Variants in VRK2 observed in about 807,000 individuals in gnomAD.
VRK2 encodes the protein VRK serine/threonine kinase 2.
A neutral mutation model predicts 57.6 loss-of-function variants in VRK2; 60 were observed. The observed-to-expected ratio is 1.04, with a 90% confidence interval of 0.85 to 1.29. The LOEUF is 1.29. Among genes scored for constraint, VRK2 ranks in the 50% most tolerant of loss-of-function variants. The pLI is 0.00. For missense variants in VRK2, 705 were observed against 588.1 expected (o/e 1.20, Z -2.06); for synonymous variants, 231 against 199.2 (o/e 1.16, Z -1.35).
intron 2 of VRK2, among the ~76,000 whole-genome samples, chr2:58,057,315 G>C (rs1220565527): frequency 1.3e-5 from 2 of 152,094 alleles, no homozygotes; most frequent in Non-Finnish European, 2.9e-5. Context: ...AAATTCTTTT[G>C]TATCTTTTGG....
At chr2:58,094,047 A>G (rs1261613872) in intron 7 of VRK2, among the ~76,000 whole-genome samples, 1 of 152,192 alleles carries the variant, frequency 6.6e-6, no homozygotes, top group Non-Finnish European at 1.5e-5. Flanking sequence ...TACCAGTACC[A>G]TGCTGTTTTG....
At chr2:58,155,830 A>C (rs1403949755) in intron 12 of VRK2, among the ~76,000 whole-genome samples, 1 of 138,862 alleles carries the variant, frequency 7.2e-6, no homozygotes, top group African/African-American at 2.7e-5. Flanking sequence ...CATGGTGTTC[A>C]CCTAGGGTTC....
At chr2:58,055,531 A>G (rs1478333348) in intron 2 of VRK2, among the ~76,000 whole-genome samples, 1 of 151,186 alleles carries the variant, frequency 6.6e-6, no homozygotes, top group African/African-American at 2.4e-5. Flanking sequence ...GAAGTTTCCA[A>G]TGAGAGTTAC....
intron 12 of VRK2, among the ~76,000 whole-genome samples, chr2:58,158,988 C>CTAAT (rs1412506935): frequency 6.6e-6 from 1 of 152,068 alleles, no homozygotes; most frequent in African/African-American, 2.4e-5. Flanking sequence ...CAAAATATTT[C>CTAAT]TAATTATGGC....
intron 11 of VRK2, among the ~76,000 whole-genome samples, chr2:58,143,328 G>C (rs930206087): frequency 1.3e-5 from 2 of 151,860 alleles, no homozygotes; most frequent in Admixed American, 1.3e-4. Flanking sequence ...TCACACATTT[G>C]TGTAGTATCC....
intron 1 of VRK2, among the ~76,000 whole-genome samples, chr2:57,964,323 C>T (rs1671846563): frequency 6.6e-6 from 1 of 152,056 alleles, no homozygotes; most frequent in Non-Finnish European, 1.5e-5. Flanking sequence ...AATATATTTA[C>T]TATTCGTTCA....
At chr2:57,991,384 G>A (rs1178980014) in intron 1 of VRK2, among the ~76,000 whole-genome samples, 2 of 150,696 alleles carry the variant, frequency 1.3e-5, no homozygotes, top group Non-Finnish European at 3.0e-5. Context: ...AAAAAAAAGC[G>A]AAAAAGTGGT....
In VRK2 at chr2:58,156,613, G is replaced by T. The variant is rs866862496; in HGVS notation, c.1183-2736G>T. Among the ~76,000 whole-genome samples, 210 of 145,534 alleles carry T rather than the reference G, an allele frequency of 1.4e-3. 1 individual carries two copies. Among genetic ancestry groups the T allele is most frequent in the African/African-American group, 5.6e-3 (201 of 35,956 alleles). On this transcript the variant is annotated intron_variant, in intron 12 of 12. Transcript: ENST00000340157. ...GTTTTGTTTTGTTTTGTTTTGTTTTGTTTTTGCCTGACCTCTAGTTGATTG... is the reference window on the plus strand; with the variant it reads ...GTTTTGTTTTGTTTTGTTTTGTTTTTTTTTTGCCTGACCTCTAGTTGATTG...
intron 10 of VRK2, among the ~76,000 whole-genome samples, chr2:58,137,232 ACATATATAT>A (rs1217903553): frequency 7.8e-6 from 1 of 128,982 alleles, no homozygotes; most frequent in Non-Finnish European, 1.6e-5. Flanking sequence ...ATCATATGAT[ACATATATAT>A]CATATATATG....
chr2:58,046,185 C>A (rs1156861223), upstream of VRK2, among the ~76,000 whole-genome samples: 3 of 152,134 alleles, frequency 2.0e-5, no homozygotes, highest in African/African-American at 2.4e-5. Context: ...TTAATAAAGT[C>A]CTCACCTTAT....
intron 7 of VRK2, among the ~76,000 whole-genome samples, chr2:58,094,066 A>G (rs1672772533): frequency 1.3e-5 from 2 of 152,164 alleles, no homozygotes; most frequent in South Asian, 4.1e-4. Flanking sequence ...TGGTTACTGT[A>G]GCCTTGTAGT....
At chr2:58,120,806 G>T (rs1677383344) in intron 7 of VRK2, among the ~76,000 whole-genome samples, 1 of 152,174 alleles carries the variant, frequency 6.6e-6, no homozygotes, top group Non-Finnish European at 1.5e-5. Flanking sequence ...GTGGGAGGTA[G>T]GAGCCTTAGT....
chr2:58,045,440 G>A (rs557882236), upstream of VRK2, among the ~76,000 whole-genome samples: 1 of 152,146 alleles, frequency 6.6e-6, no homozygotes, highest in East Asian at 1.9e-4. Context: ...TGGAAAGGAG[G>A]AAAGAGTACC....
At chr2:57,938,855 A>T (rs1220676699) in intron 1 of VRK2, among the ~76,000 whole-genome samples, 1 of 152,114 alleles carries the variant, frequency 6.6e-6, no homozygotes, top group Non-Finnish European at 1.5e-5. Flanking sequence ...AAAGTTATTT[A>T]TGACTTCAAA....
intron 7 of VRK2, among the ~76,000 whole-genome samples, chr2:58,109,966 C>T (rs1200292494): frequency 7.2e-5 from 11 of 151,992 alleles, no homozygotes; most frequent in Non-Finnish European, 1.0e-4. Flanking sequence ...AAAAATAAAG[C>T]GGTGTAAAAG....
At chr2:58,065,752 C>T (rs1399590552) in intron 2 of VRK2, among the ~76,000 whole-genome samples, 3 of 152,070 alleles carry the variant, frequency 2.0e-5, no homozygotes, top group African/African-American at 7.2e-5. Context: ...CATGTGTCCT[C>T]ATTTCTTTAG....
chr2:58,132,877 C>G (rs568694617), intron 9 of VRK2, among the ~76,000 whole-genome samples: 1 of 152,256 alleles, frequency 6.6e-6, no homozygotes, highest in Non-Finnish European at 1.5e-5. Flanking sequence ...TCATCCTAGT[C>G]CCTTACCCAA....
chr2:58,010,253 CA>C (rs2103645598), intron 1 of VRK2, among the ~76,000 whole-genome samples: 1 of 152,134 alleles, frequency 6.6e-6, no homozygotes, highest in South Asian at 2.1e-4. Flanking sequence ...TTAGTTAGCA[CA>C]TTTCTAAAAT....
chr2:57,920,046 G>C (rs1157802706), intron 1 of VRK2, among the ~76,000 whole-genome samples: 2 of 152,056 alleles, frequency 1.3e-5, no homozygotes, highest in African/African-American at 4.8e-5. Flanking sequence ...CTTTGATTGA[G>C]ATTGATTTTT....
Sources: allele counts gnomAD v4.1 joint callset (sites outside exome capture counted in the v4.1 genomes callset), GRCh38; gene constraint gnomAD v4.1.1; transcripts MANE v1.5; gene names NCBI Gene and HGNC (gene_info 2026-07-23, HGNC 2026-07-21).